VWF: variants seen among roughly 807,000 people sequenced by gnomAD.
The protein encoded by VWF is Factor VIII related antigen.
A neutral mutation model predicts 308.6 loss-of-function variants in VWF; 176 were observed. That is an observed-to-expected ratio of 0.57 (90% CI 0.50 to 0.65). The LOEUF (loss-of-function observed/expected upper bound fraction) is 0.65, where lower values mean the gene tolerates loss of function less well. VWF is among the 30% of genes least tolerant of loss of function. VWF has a pLI of 0.00. For synonymous variants in VWF, 1,385 were observed against 1,443.4 expected (o/e 0.96, Z 0.92); for missense variants, 3,146 against 3,648.2 (o/e 0.86, Z 3.55).
chr12:6,073,441 C>T (rs1944802413), intron 8 of VWF, among the ~76,000 whole-genome samples, 178 bp downstream of exon 8: 2 of 152,186 alleles, frequency 1.3e-5, no homozygotes, highest in Non-Finnish European at 2.9e-5. Context: ...GGACAACGTA[C>T]ATTAAAAATA....
At chr12:6,076,983 G>A (rs957448164) in intron 6 of VWF, among the ~76,000 whole-genome samples, 4 of 152,120 alleles carry the variant, frequency 2.6e-5, no homozygotes, top group East Asian at 3.9e-4. Context: ...GGGCCCTGCC[G>A]CTTGCTAGGC....
At chr12:5,975,468 C>G (rs1943522618) in intron 43 of VWF, among the ~76,000 whole-genome samples, 2 of 152,106 alleles carry the variant, frequency 1.3e-5, no homozygotes, top group Admixed American at 1.3e-4. Context: ...AATAGGGCAC[C>G]CCAGCACACA....
chr12:6,118,854 C>T (rs1401027692), intron 3 of VWF, among the ~76,000 whole-genome samples: 1 of 152,210 alleles, frequency 6.6e-6, no homozygotes, highest in Non-Finnish European at 1.5e-5. Context: ...TTCAGCTTCC[C>T]AGGGGCAGGG....
intron 3 of VWF, among the ~76,000 whole-genome samples, chr12:6,113,213 C>T (rs748576645): frequency 2.0e-4 from 30 of 152,114 alleles, no homozygotes; most frequent in Admixed American, 3.9e-4. Context: ...AGCAAGCAAA[C>T]CTTTAGAAGC....
Position 6,037,656 on chromosome 12 carries a change from T to C in VWF, c.2443-1165A>G, listed in dbSNP as rs112388892. 3.3e-5 allele frequency among the ~76,000 whole-genome samples: 5 copies of C among 152,290 alleles called. 1 individual carries two copies. The highest frequency in any genetic ancestry group is 9.6e-5 in the African/African-American group (4 of 41,580). On this transcript the variant is annotated intron_variant, in intron 18 of 51. Transcript: ENST00000261405. Reference sequence around the variant, plus strand: ...GTGCCTGTCCTGGTGTGGCCTAGCCTTGGGGGTTCTCAAAGAGGCCTGGGT... The same window carrying C: ...GTGCCTGTCCTGGTGTGGCCTAGCCCTGGGGGTTCTCAAAGAGGCCTGGGT...
intron 47 of VWF, among the ~76,000 whole-genome samples, chr12:5,964,196 G>C (rs563761753): frequency 2.3e-5 from 3 of 127,918 alleles, no homozygotes; most frequent in East Asian, 2.0e-4. Flanking sequence ...CAGCCTGGGC[G>C]ACAGAGAGAG....
At chr12:6,112,861 A>G (rs1013879555) in intron 3 of VWF, among the ~76,000 whole-genome samples, 1 of 128,798 alleles carries the variant, frequency 7.8e-6, no homozygotes, top group African/African-American at 3.3e-5. Context: ...CACCACACGC[A>G]CACACACCAT....
Position 6,087,360 on chromosome 12 carries a change from T to TTC in VWF, c.657+8099_657+8100insGA, listed in dbSNP as rs1555072789. On this transcript the variant is annotated intron_variant, in intron 6 of 51. Transcript: ENST00000261405. Reference sequence around the variant, plus strand: ...GTGTCTCAAAGACTTAACTCTTTTTTTTTTTTTTTTTTTTTTGAGACAGAG... The same window carrying TTC: ...GTGTCTCAAAGACTTAACTCTTTTTTTCTTTTTTTTTTTTTTTTGAGACAGAG... Among the ~76,000 whole-genome samples, 959 of 145,940 alleles carry TTC rather than the reference T, an allele frequency of 6.6e-3. 11 individuals are homozygous for TTC. Among genetic ancestry groups the TTC allele is most frequent in the African/African-American group, 0.022 (868 of 39,270 alleles).
At chr12:6,054,388 C>T (rs905617378) in intron 15 of VWF, among the ~76,000 whole-genome samples, 3 of 152,188 alleles carry the variant, frequency 2.0e-5, no homozygotes, top group African/African-American at 7.2e-5. Context: ...GTCTTTCAAC[C>T]ACCTGAGCCT....
rs201953895 is a variant in VWF at position 6,075,327 on chromosome 12, C to T, written c.874+8G>A. On this transcript the variant is annotated splice_region_variant and intron_variant, in intron 7 of 51. Transcript: ENST00000261405. The surrounding 1 kb of genome is among the most constrained non-coding windows in gnomAD (Gnocchi z 4.7). Reference sequence around the variant, plus strand: ...GGCAGGGCAGGACGGGGCAGGGGGCCGACTTACTGCACGCGCTGTGGTCGG... The same window carrying T: ...GGCAGGGCAGGACGGGGCAGGGGGCTGACTTACTGCACGCGCTGTGGTCGG... 123 of 1,613,730 alleles carry T rather than the reference C, an allele frequency of 7.6e-5. No individual in the cohort carries two copies. Among genetic ancestry groups the T allele is most frequent in the Middle Eastern group, 3.3e-4 (2 of 6,068 alleles).
chr12:6,122,815 T>G (rs1470456018), intron 2 of VWF: 1 of 613,076 alleles, frequency 1.6e-6, no homozygotes, highest in African/African-American at 1.8e-5. Flanking sequence ...TTCAACAAGG[T>G]GACCTCCACA....
intron 10 of VWF, among the ~76,000 whole-genome samples, chr12:6,066,745 C>A (rs988302584): frequency 6.6e-6 from 1 of 152,244 alleles, no homozygotes; most frequent in African/African-American, 2.4e-5. Flanking sequence ...CCCCAAAAGG[C>A]ACAGAGAGAT....
intron 18 of VWF, among the ~76,000 whole-genome samples, chr12:6,039,858 A>C (rs1186279048): frequency 6.6e-6 from 1 of 152,046 alleles, no homozygotes; most frequent in African/African-American, 2.4e-5. Flanking sequence ...GGACATAACC[A>C]CACTTCTCGC....
Position 5,994,057 on chromosome 12 carries a change from C to G in VWF, c.6403G>C (p.Asp2135His). The change falls in exon 37 of 52, where the codon GAC becomes CAC. Residue 2135 changes from aspartate to histidine, a missense_variant. Around this residue, in one of 3 missense-constraint regions of VWF, gnomAD observed 989 missense variants for 1,117.4 expected, o/e 0.89. Transcript: ENST00000261405. Reference sequence around the variant, plus strand: ...AGGAGGACCTGGCAGTGGGAGCTGTCGGGGACAAGACACTGCTCCTCCAGG... The same window carrying G: ...AGGAGGACCTGGCAGTGGGAGCTGTGGGGGACAAGACACTGCTCCTCCAGG... ...PILEEQCLVP[D>H]SSHCQVLLLP... The G allele has an allele frequency of 6.2e-7, 1 of 1,614,092 alleles. No homozygotes were observed. The highest frequency in any genetic ancestry group is 8.5e-7 in the Non-Finnish European group (1 of 1,180,016).
intron 45 of VWF, among the ~76,000 whole-genome samples, chr12:5,968,759 C>G (rs903020651): frequency 2.6e-5 from 4 of 152,234 alleles, no homozygotes; most frequent in African/African-American, 9.6e-5. Context: ...AGTGCCACTG[C>G]ACTCTAGCCT....
intron 38 of VWF, 114 bp downstream of exon 38, chr12:5,991,704 CG>C (rs1943745349): frequency 1.8e-6 from 2 of 1,131,438 alleles, no homozygotes; most frequent in East Asian, 4.8e-5. Context: ...TAATGATCCC[CG>C]TAAGAGTCAA....
chr12:6,108,368 AAG>A (rs1945268045), intron 5 of VWF, among the ~76,000 whole-genome samples: 2 of 92,616 alleles, frequency 2.2e-5, no homozygotes, highest in South Asian at 3.2e-4. Context: ...CACACACACA[AAG>A]CAAAATTTGA....
intron 49 of VWF, 53 bp from the exon 50 acceptor site, chr12:5,951,936 C>A: frequency 6.3e-7 from 1 of 1,599,630 alleles, no homozygotes; most frequent in South Asian, 1.1e-5. Context: ...GAGTAGACAG[C>A]TTTCAGGTCA....
At chr12:6,119,946 G>A (rs1945412549) in intron 3 of VWF, among the ~76,000 whole-genome samples, 1 of 152,236 alleles carries the variant, frequency 6.6e-6, no homozygotes, top group Non-Finnish European at 1.5e-5. Flanking sequence ...TTGTCCCTGA[G>A]GAGCTCATGG....
Sources: allele counts gnomAD v4.1 joint callset (sites outside exome capture counted in the v4.1 genomes callset), GRCh38; gene constraint gnomAD v4.1.1; regional missense constraint gnomAD v4.1.1; non-coding constraint Gnocchi (gnomAD v3.1); transcripts MANE v1.5; gene names NCBI Gene and HGNC (gene_info 2026-07-23, HGNC 2026-07-21).